PCNT: variants seen among roughly 807,000 people sequenced by gnomAD.
PCNT encodes kendrin.
Under a neutral mutation model 380.4 loss-of-function variants are expected in PCNT, and 319 were observed. That is an observed-to-expected ratio of 0.84 (90% CI 0.77 to 0.92). The LOEUF (loss-of-function observed/expected upper bound fraction) is 0.92, where lower values mean the gene tolerates loss of function less well. PCNT is among the 40% of genes least tolerant of loss of function. The pLI, the probability that PCNT is intolerant of heterozygous loss-of-function variation, is 0.00. For synonymous variants in PCNT, 1,845 were observed against 1,735.2 expected (o/e 1.06, Z -1.57); for missense variants, 4,400 against 4,255.3 (o/e 1.03, Z -0.95).
chr21:46,326,569 G>A lies in PCNT; in HGVS notation c.247G>A (p.Gly83Arg), dbSNP rs886042361. 1 of 1,614,042 alleles carries A rather than the reference G, an allele frequency of 6.2e-7. No individual in the cohort carries two copies. Among genetic ancestry groups the A allele is most frequent in the Admixed American group, 1.7e-5 (1 of 60,012 alleles). Residue 83 changes from glycine (G) to arginine (R), a missense_variant, in exon 2 of 47, where the codon GGA (glycine) becomes AGA (arginine). Gly to Arg is a moderately radical substitution (Grantham distance 125, BLOSUM62 -2). Transcript: ENST00000359568. Reference sequence around the variant, plus strand: ...ATGTGACGACACCCCTGATGGGGCAGGAGGGGCCTTTGCAGCTCAGGTAGA... The same window carrying A: ...ATGTGACGACACCCCTGATGGGGCAAGAGGGGCCTTTGCAGCTCAGGTAGA... ...TSCDDTPDGA[G>R]GAFAAQPEDC...
chr21:46,371,214 CTTTTTTTTTT>C (rs924903931), intron 15 of PCNT, among the ~76,000 whole-genome samples: 1 of 136,806 alleles, frequency 7.3e-6, no homozygotes, highest in African/African-American at 2.7e-5. Context: ...TTCTTTCTTT[CTTTTTTTTTT>C]TTTTTTTTTA....
intron 38 of PCNT, among the ~76,000 whole-genome samples, chr21:46,434,086 G>GT (rs1231223586): frequency 6.6e-6 from 1 of 152,092 alleles, no homozygotes; most frequent in Non-Finnish European, 1.5e-5. Flanking sequence ...CCTCCAGAGT[G>GT]TTTTTTACTG....
intron 9 of PCNT, 128 bp from the exon 10 acceptor site, chr21:46,352,976 T>A (rs1036873545): frequency 2.6e-6 from 2 of 757,956 alleles, no homozygotes; most frequent in African/African-American, 3.4e-5. Context: ...CCCTCATCCC[T>A]CTCCGGTTCT....
chr21:46,347,586 C>T (rs75832823), intron 6 of PCNT, 74 bp downstream of exon 6: 25 of 1,349,058 alleles, frequency 1.9e-5, no homozygotes, highest in South Asian at 7.0e-5. Context: ...CCCATGAGAA[C>T]GCTCCTCACC....
intron 3 of PCNT, among the ~76,000 whole-genome samples, chr21:46,345,469 C>T (rs1481248682): frequency 2.0e-5 from 3 of 152,148 alleles, no homozygotes; most frequent in African/African-American, 2.4e-5. Context: ...CTGCCTGCCT[C>T]GGCCTCCCAA....
At chr21:46,406,790 G>T (rs11909582) in intron 27 of PCNT, among the ~76,000 whole-genome samples, 2,962 of 152,188 alleles carry the variant, frequency 0.019, 85 homozygotes, top group African/African-American at 0.067. Context: ...GCTTTTTCTG[G>T]ATCTATTGAA....
chr21:46,388,744 G>C lies in PCNT; in HGVS notation c.3467G>C (p.Gly1156Ala), dbSNP rs1264117188. 9 of 1,613,676 alleles carry C rather than the reference G, an allele frequency of 5.6e-6. No individual in the cohort carries two copies. Among genetic ancestry groups the C allele is most frequent in the Non-Finnish European group, 7.6e-6 (9 of 1,179,990 alleles). The change falls in exon 18 of 47, where the codon GGG becomes GCG. Residue 1156 changes from glycine to alanine, a missense_variant and splice_region_variant. Coordinates refer to ENST00000359568, the MANE Select transcript of PCNT (RefSeq NM_006031.6). The surrounding 1 kb of genome is among the most constrained non-coding windows in gnomAD (Gnocchi z 4.2). ...ADVNLSHSER[G>A]ALQDALRRLL... ...ATGATGGGTGTCTCCTGTCTCAGAG[G>C]GGCCCTCCAGGACGCCCTGCGCAGG...
chr21:46,421,769 C>T (rs545645986), intron 31 of PCNT, among the ~76,000 whole-genome samples: 21 of 152,344 alleles, frequency 1.4e-4, no homozygotes, highest in African/African-American at 4.8e-4. Flanking sequence ...CGTTTTCTTA[C>T]TTGACGTGCG....
chr21:46,339,986 C>T (rs971678579), intron 3 of PCNT, among the ~76,000 whole-genome samples: 4 of 152,064 alleles, frequency 2.6e-5, no homozygotes, highest in Non-Finnish European at 5.9e-5. Context: ...TCTTGCATAC[C>T]GTATTTGTCC....
chr21:46,421,852 C>T (rs1215703109), intron 31 of PCNT, 118 bp from the exon 32 acceptor site: 30 of 1,095,764 alleles, frequency 2.7e-5, no homozygotes, highest in Middle Eastern at 2.4e-4. Context: ...AGCAGAATCA[C>T]GGTGTGGTTG....
Position 46,391,290 on chromosome 21 carries a change from A to G in PCNT, c.4130A>G (p.Gln1377Arg). Reference protein sequence around the residue: ...SLRRQLQQAAQEQAALREECT... With the variant: ...SLRRQLQQAAREQAALREECT... ...AGACGGCAGCTGCAGCAGGCGGCCC[A>G]GGAGCAGGCGGCGCTGAGGGAGGAG... The change falls in exon 21 of 47, where the codon CAG becomes CGG. Residue 1377 changes from glutamine (Q) to arginine (R), a missense_variant. Physicochemically the swap from Gln to Arg is conservative, Grantham distance 43 (BLOSUM62 1). Coordinates refer to ENST00000359568, the MANE Select transcript of PCNT (RefSeq NM_006031.6). 2 of 1,582,716 alleles carry G rather than the reference A, an allele frequency of 1.3e-6. No individual in the cohort carries two copies. Among genetic ancestry groups the G allele is most frequent in the Non-Finnish European group, 1.7e-6 (2 of 1,164,492 alleles).
rs370201343 is a variant in PCNT, at chr21:46,363,735, G to A, written c.2410G>A (p.Ala804Thr). Residue 804 changes from alanine (A) to threonine (T), a missense_variant, in exon 14 of 47, where the codon GCA becomes ACA. By Grantham distance (58) the Ala-to-Thr change is moderately conservative. Transcript: ENST00000359568. ...AATGAGGCAGCTTCAGGACCAACAG[G>A]CAGCCCAGATCCTGGATCTGGAGAG... is the stretch of plus-strand genomic sequence containing the variant. The part of the protein sequence containing the change: ...AEMRQLQDQQ[A>T]AQILDLERSL... The A allele has an allele frequency of 1.2e-6, 2 of 1,614,246 alleles. No individual in the cohort carries two copies. The highest frequency in any genetic ancestry group is 1.7e-6 in the Non-Finnish European group (2 of 1,180,044).
intron 15 of PCNT, among the ~76,000 whole-genome samples, chr21:46,376,844 C>A (rs1181030632): frequency 4.6e-5 from 7 of 152,194 alleles, no homozygotes; most frequent in Admixed American, 4.6e-4. Context: ...ATCTTAAGTC[C>A]TTCCTTTCAA....
chr21:46,371,815 C>T (rs1332605799), intron 15 of PCNT, among the ~76,000 whole-genome samples: 1 of 151,866 alleles, frequency 6.6e-6, no homozygotes, highest in African/African-American at 2.4e-5. Flanking sequence ...ACAGCACATG[C>T]ACACACACAT....
rs1027768577 is a variant in PCNT, at chr21:46,403,737, GTGTT to G, written c.5115+1257_5115+1260del. Reference sequence around the variant, plus strand: ...TGAACACAGCGTGGGAGAATAGTGTGTGTTTGGTGCCCACGCGGCGCGTGCTCGG... The same window carrying G: ...TGAACACAGCGTGGGAGAATAGTGTGTGGTGCCCACGCGGCGCGTGCTCGG... On this transcript the variant is annotated intron_variant, in intron 27 of 46. Transcript: ENST00000359568. 1.1e-4 allele frequency among the ~76,000 whole-genome samples: 16 copies of G among 146,916 alleles called. No homozygotes were observed. In the East Asian group the frequency reaches 3.1e-3, roughly 29 times the overall value.
rs1417144384 is a variant in PCNT at position 46,355,579 on chromosome 21, C to T, written c.1889C>T (p.Ala630Val). The T allele has an allele frequency of 6.2e-7, 1 of 1,614,078 alleles. No individual in the cohort carries two copies. Among genetic ancestry groups the T allele is most frequent in the Admixed American group, 1.7e-5 (1 of 60,020 alleles). The change falls in exon 12 of 47, where the codon GCA becomes GTA. Residue 630 changes from alanine (A) to valine (V), a missense_variant. Coordinates refer to ENST00000359568, the MANE Select transcript of PCNT (RefSeq NM_006031.6). ...GACAGATGCTGCGTAGAGACTTCAGCATTGGGACACGAGTGGCGTCTGGAA... is the reference window on the plus strand; with the variant it reads ...GACAGATGCTGCGTAGAGACTTCAGTATTGGGACACGAGTGGCGTCTGGAA... ...VSDRCCVETS[A>V]LGHEWRLEPS... is the part of the protein sequence containing the mutation.
At chr21:46,385,362 A>C (rs768180252) in intron 16 of PCNT, among the ~76,000 whole-genome samples, 6 of 152,202 alleles carry the variant, frequency 3.9e-5, no homozygotes, top group Admixed American at 1.3e-4. Context: ...TCTCAGAAAG[A>C]AAGATCTTTG....
chr21:46,400,124 A>T (rs2086371150), intron 25 of PCNT, among the ~76,000 whole-genome samples: 1 of 152,256 alleles, frequency 6.6e-6, no homozygotes. Context: ...CTTATTAAAT[A>T]CTTTGATGAG....
intron 19 of PCNT, among the ~76,000 whole-genome samples, chr21:46,389,789 G>T (rs1283230572): frequency 6.6e-6 from 1 of 152,202 alleles, no homozygotes; most frequent in Non-Finnish European, 1.5e-5. Flanking sequence ...AGCAATCAAA[G>T]ATCTTTTTTT....
Sources: gnomAD v4.1 joint callset for allele counts (sites outside exome capture counted in the v4.1 genomes callset) on GRCh38, gnomAD v4.1.1 for gene constraint, Gnocchi (gnomAD v3.1) non-coding constraint, MANE v1.5 for transcripts, NCBI Gene and HGNC (gene_info 2026-07-23, HGNC 2026-07-21) for gene names.